The following DLGAP4 variants were observed in gnomAD, a reference collection of about 807,000 sequenced individuals.
DLGAP4 encodes disks large-associated protein 4.
Under a neutral mutation model 86.9 loss-of-function variants are expected in DLGAP4, and 18 were observed. That is an observed-to-expected ratio of 0.21 (90% CI 0.14 to 0.31). The LOEUF (loss-of-function observed/expected upper bound fraction) is 0.31, where lower values mean the gene tolerates loss of function less well. Among genes scored for constraint, DLGAP4 ranks in the 10% least tolerant of loss-of-function variants. The pLI, the probability that DLGAP4 is intolerant of heterozygous loss-of-function variation, is 1.00. For missense variants in DLGAP4, 1,085 were observed against 1,362.6 expected (o/e 0.80, Z 3.21); for synonymous variants, 548 against 574.3 (o/e 0.95, Z 0.65).
chr20:36,400,459 C>T (rs754728044), intron 2 of DLGAP4, among the ~76,000 whole-genome samples: 3 of 152,182 alleles, frequency 2.0e-5, no homozygotes, highest in Non-Finnish European at 4.4e-5. Flanking sequence ...CCTTTCACTT[C>T]TCCTTTATAT....
At chr20:36,348,611 G>A (rs1442334982) in intron 1 of DLGAP4, among the ~76,000 whole-genome samples, 2 of 151,846 alleles carry the variant, frequency 1.3e-5, no homozygotes, top group Non-Finnish European at 2.9e-5. Context: ...TAGAGACAAG[G>A]TTTCACCATG....
intron 7 of DLGAP4, among the ~76,000 whole-genome samples, chr20:36,467,691 G>A (rs992121910): frequency 6.6e-6 from 1 of 152,212 alleles, no homozygotes; most frequent in African/African-American, 2.4e-5. Context: ...AGCAGAGGAT[G>A]CTGTGCTCCC....
At chr20:36,467,167 T>A (rs1384065573) in intron 7 of DLGAP4, among the ~76,000 whole-genome samples, 1 of 151,918 alleles carries the variant, frequency 6.6e-6, no homozygotes, top group Non-Finnish European at 1.5e-5. Context: ...GAACTTATGG[T>A]CTGACAAGAA....
chr20:36,328,715 A>G (rs1470829828), intron 1 of DLGAP4, among the ~76,000 whole-genome samples: 2 of 150,670 alleles, frequency 1.3e-5, no homozygotes, highest in African/African-American at 2.4e-5. Flanking sequence ...TGCAACCTCC[A>G]CCTCCTGGGT....
chr20:36,423,455 CAAAAAAAAAAA>C lies in DLGAP4; in HGVS notation c.-72-8173_-72-8163del, dbSNP rs11434258. On this transcript the variant is annotated intron_variant, in intron 2 of 12. Transcript: ENST00000339266. Reference sequence around the variant, plus strand: ...TGGGTGACAGAGCAAGACTCCGTCTCAAAAAAAAAAAAAAAAAAAAAAAAAAAAGGACAGTA... The same window carrying C: ...TGGGTGACAGAGCAAGACTCCGTCTCAAAAAAAAAAAAAAAAAGGACAGTA... Among the ~76,000 whole-genome samples the C allele has an allele frequency of 6.2e-3, 101 of 16,342 alleles. 6 individuals carry two copies. In the East Asian group the frequency reaches 0.16, roughly 26 times the overall value. 10.7% of individuals were successfully genotyped at this position (16,342 alleles called of 152,430 possible). A position where few individuals can be genotyped will look rare whatever the true frequency, so the allele number is the denominator to read the frequency against.
At chr20:36,327,259 C>G (rs914487987) in intron 1 of DLGAP4, among the ~76,000 whole-genome samples, 10 of 152,072 alleles carry the variant, frequency 6.6e-5, no homozygotes, top group African/African-American at 2.4e-4. Context: ...CTCGGCCTCC[C>G]AAAGTGCTGG....
intron 4 of DLGAP4, among the ~76,000 whole-genome samples, chr20:36,439,283 G>T (rs1043407929): frequency 1.3e-5 from 2 of 152,170 alleles, no homozygotes; most frequent in Non-Finnish European, 2.9e-5. Flanking sequence ...ACCCAGCTGA[G>T]AAAGCTGGAT....
In DLGAP4 at chr20:36,500,205, C is replaced by G; in HGVS notation, c.2106C>G (p.Ser702Arg). 6.6e-7 allele frequency: 1 copy of G among 1,525,490 alleles called. No homozygotes were observed. The highest frequency in any genetic ancestry group is 8.8e-7 in the Non-Finnish European group (1 of 1,134,406). The allele number at this position is 1,525,490 out of a possible 1,614,324, so 94.5% of individuals were successfully genotyped here. A position where few individuals can be genotyped will look rare whatever the true frequency, so the allele number is the denominator to read the frequency against. Residue 702 changes from serine (S) to arginine (R), a missense_variant, in exon 10 of 13, where the codon AGC becomes AGG. This residue lies in a region of DLGAP4 where 1,082 missense variants were observed against 1,344.1 expected (regional missense o/e 0.81). Transcript: ENST00000339266. This position sits in a 1 kb window ranked among gnomAD's most constrained non-coding sequence, Gnocchi z 4.6. ...GVQVEDDWRS[S>R]VPSHSMSSRR... ...ATCCACCCCCTACCCACAGAAGCAG[C>G]GTCCCCTCTCACAGTATGTCCTCCC...
intron 1 of DLGAP4, among the ~76,000 whole-genome samples, chr20:36,337,257 G>A (rs1257774439): frequency 6.8e-6 from 1 of 146,380 alleles, no homozygotes; most frequent in Non-Finnish European, 1.5e-5. Context: ...CCAACAGGAT[G>A]TTTTAGGGGT....
In DLGAP4 at chr20:36,527,165, A is replaced by T. The variant is rs1390688313; in HGVS notation, c.*134A>T. 5 of 939,916 alleles carry T rather than the reference A, an allele frequency of 5.3e-6. No individual in the cohort carries two copies. The highest frequency in any genetic ancestry group is 7.5e-6 in the Non-Finnish European group (5 of 663,140). 58.2% of individuals were successfully genotyped at this position (939,916 alleles called of 1,614,324 possible). ...CCTGAGCCAACTTTCAAATTGACGCATACAAGGGCTCACAATTTGGCTTTT... is the reference window on the plus strand; with the variant it reads ...CCTGAGCCAACTTTCAAATTGACGCTTACAAGGGCTCACAATTTGGCTTTT... On this transcript the variant is annotated 3_prime_UTR_variant, in exon 13 of 13. Coordinates refer to ENST00000339266, the MANE Select transcript of DLGAP4 (RefSeq NM_001365621.2).
chr20:36,447,496 C>CT (rs1241691368), intron 7 of DLGAP4, among the ~76,000 whole-genome samples: 1 of 152,206 alleles, frequency 6.6e-6, no homozygotes, highest in Admixed American at 6.5e-5. Flanking sequence ...TCTTGGCTAA[C>CT]TGCAACCTCT....
chr20:36,450,031 T>C (rs2033694847), intron 7 of DLGAP4, among the ~76,000 whole-genome samples: 1 of 152,198 alleles, frequency 6.6e-6, no homozygotes, highest in Non-Finnish European at 1.5e-5. Flanking sequence ...CAAGCCTAAC[T>C]AACCAAACAA....
intron 2 of DLGAP4, among the ~76,000 whole-genome samples, chr20:36,405,386 TAC>T (rs1431733518): frequency 6.6e-6 from 1 of 152,204 alleles, no homozygotes; most frequent in African/African-American, 2.4e-5. Context: ...TGAGTTAACA[TAC>T]GTAAGTGCTT....
In DLGAP4 at chr20:36,393,460, C is replaced by T. The variant is rs1488016260; in HGVS notation, c.-73+26185C>T. The stretch of plus-strand genomic sequence containing the variant: ...TACGAAGTGCTGGGCTCCTGGGAGA[C>T]GCTCTGGGGTCTGGAAACCCAGCCC... On this transcript the variant is annotated intron_variant, in intron 2 of 12. Coordinates refer to ENST00000339266, the MANE Select transcript of DLGAP4 (RefSeq NM_001365621.2). The surrounding 1 kb of genome is among the most constrained non-coding windows in gnomAD (Gnocchi z 4.4). Among the ~76,000 whole-genome samples the T allele has an allele frequency of 2.6e-5, 4 of 152,146 alleles. No individual in the cohort carries two copies. Among genetic ancestry groups the T allele is most frequent in the South Asian group, 2.1e-4 (1 of 4,832 alleles).
At chr20:36,412,438 G>A (rs1319150950) in intron 2 of DLGAP4, among the ~76,000 whole-genome samples, 1 of 152,226 alleles carries the variant, frequency 6.6e-6, no homozygotes, top group Non-Finnish European at 1.5e-5. Context: ...TGAGGTGGTG[G>A]CCAACTGGAC....
intron 1 of DLGAP4, among the ~76,000 whole-genome samples, chr20:36,358,361 A>G (rs139863870): frequency 6.6e-6 from 1 of 152,190 alleles, no homozygotes; most frequent in Admixed American, 6.5e-5. Context: ...GTTGTGGAAC[A>G]TAATGTATGG....
At chr20:36,362,385 G>A (rs923119452) in intron 1 of DLGAP4, among the ~76,000 whole-genome samples, 1 of 152,220 alleles carries the variant, frequency 6.6e-6, no homozygotes, top group Admixed American at 6.5e-5. Context: ...GACCAGGTTA[G>A]ATGATACTGG....
At chr20:36,437,584 T>C (rs1188516792) in intron 4 of DLGAP4, among the ~76,000 whole-genome samples, 1 of 152,186 alleles carries the variant, frequency 6.6e-6, no homozygotes, top group African/African-American at 2.4e-5. Flanking sequence ...CCTGTCCCAG[T>C]GCCTGCCTGG....
Position 36,527,125 on chromosome 20 carries a change from A to ATTCTG in DLGAP4, c.*96_*100dup. On this transcript the variant is annotated 3_prime_UTR_variant, in exon 13 of 13. Transcript: ENST00000339266. ...AGTTTTCTCAACCTTTGCTATGGTT[A>ATTCTG]TTCTGTCTAGAGACCCTGAGCCAAC... 1.5e-6 allele frequency: 2 copies of ATTCTG among 1,351,754 alleles called. No individual in the cohort carries two copies. 83.7% of individuals were successfully genotyped at this position (1,351,754 alleles called of 1,614,324 possible). A position where few individuals can be genotyped will look rare whatever the true frequency, so the allele number is the denominator to read the frequency against.
Sources: gnomAD v4.1 joint callset for allele counts (sites outside exome capture counted in the v4.1 genomes callset) on GRCh38, gnomAD v4.1.1 for gene constraint, gnomAD v4.1.1 regional missense constraint, Gnocchi (gnomAD v3.1) non-coding constraint, MANE v1.5 for transcripts, NCBI Gene and HGNC (gene_info 2026-07-23, HGNC 2026-07-21) for gene names.